KCNMB2: variants seen among roughly 807,000 people sequenced by gnomAD.
KCNMB2 encodes the protein potassium calcium-activated channel subfamily M regulatory beta subunit 2.
KCNMB2 carries 9 observed loss-of-function variants against 24.5 expected under a neutral mutation model. The ratio of observed to expected loss-of-function variants is 0.37; its 90% CI spans 0.22 to 0.64. The LOEUF is 0.64. Among genes scored for constraint, KCNMB2 ranks in the 30% least tolerant of loss-of-function variants. The pLI, the probability that KCNMB2 is intolerant of heterozygous loss-of-function variation, is 0.63. For synonymous variants in KCNMB2, 109 were observed against 104.4 expected, an observed-to-expected ratio of 1.04 and a Z score of -0.27; for missense variants, 226 against 284.3, an observed-to-expected ratio of 0.79 and a Z score of 1.47.
At chr3:178,595,579 C>G (rs1052269437) in intron 1 of KCNMB2, among the ~76,000 whole-genome samples, 1 of 152,060 alleles carries the variant, frequency 6.6e-6, no homozygotes, top group African/African-American at 2.4e-5. Flanking sequence ...TTAGTGCTAA[C>G]GAGATCTGGT....
At chr3:178,586,791 C>T (rs541670616) in intron 1 of KCNMB2, among the ~76,000 whole-genome samples, 3 of 152,032 alleles carry the variant, frequency 2.0e-5, no homozygotes, top group South Asian at 2.1e-4. Context: ...GTGATCTGCC[C>T]GCCTGGGCCT....
At chr3:178,736,826 T>C (rs531476961) in intron 1 of KCNMB2, among the ~76,000 whole-genome samples, 2 of 152,350 alleles carry the variant, frequency 1.3e-5, no homozygotes, top group South Asian at 4.1e-4. Flanking sequence ...CAATGACATA[T>C]GATGCGTGAA....
chr3:178,791,607 G>A (rs1440908543), intron 1 of KCNMB2, among the ~76,000 whole-genome samples: 1 of 151,978 alleles, frequency 6.6e-6, no homozygotes, highest in Non-Finnish European at 1.5e-5. Context: ...CCTAGAGAAA[G>A]ATATCAATAT....
At position 178,828,291 on chromosome 3, in the gene KCNMB2, T is replaced by A. The variant is rs1181126687; in HGVS notation, c.341T>A (p.Leu114His). Residue 114 changes from leucine (L) to histidine (H), a missense_variant, in exon 4 of 5, where the codon CTC becomes CAC. By Grantham distance (99) the Leu-to-His change is moderately conservative. Transcript: ENST00000452583. ...TGGAAACTTTCTCAGTACCCCTGCC[T>A]CCAGGTGTACGTTAACCTGACTTCT... Reference protein sequence around the residue: ...DCWKLSQYPCLQVYVNLTSSG... With the variant: ...DCWKLSQYPCHQVYVNLTSSG... 6.2e-7 allele frequency: 1 copy of A among 1,613,028 alleles called. No homozygotes were observed. The highest frequency in any genetic ancestry group is 8.5e-7 in the Non-Finnish European group (1 of 1,179,144).
chr3:178,586,529 T>A (rs1368966056), intron 1 of KCNMB2, among the ~76,000 whole-genome samples: 2 of 132,852 alleles, frequency 1.5e-5, no homozygotes, highest in Admixed American at 1.6e-4. Flanking sequence ...TTTTCTTTTT[T>A]TTTTCTTTCT....
rs536532201 is a variant in KCNMB2 at position 178,540,623 on chromosome 3, G to C, written c.-68+3912G>C. On this transcript the variant is annotated intron_variant, in intron 1 of 4. Coordinates refer to ENST00000452583, the MANE Select transcript of KCNMB2 (RefSeq NM_181361.3). Reference sequence around the variant, plus strand: ...ATCCACCAAGCACTCTCAAACCTCAGAGGCTTTGACTTGCTCTGCCTGCTG... The same window carrying C: ...ATCCACCAAGCACTCTCAAACCTCACAGGCTTTGACTTGCTCTGCCTGCTG... Among the ~76,000 whole-genome samples the C allele has an allele frequency of 8.8e-4, 134 of 152,300 alleles. 1 individual carries two copies. Among genetic ancestry groups the C allele is most frequent in the African/African-American group, 3.1e-3 (130 of 41,568 alleles).
intron 1 of KCNMB2, among the ~76,000 whole-genome samples, chr3:178,759,474 T>A (rs1399539227): frequency 1.2e-5 from 1 of 81,310 alleles, no homozygotes; most frequent in African/African-American, 5.9e-5. Context: ...AGAGGATATA[T>A]ATATATATAT....
intron 1 of KCNMB2, among the ~76,000 whole-genome samples, chr3:178,675,695 G>T (rs1721048001): frequency 6.6e-6 from 1 of 152,162 alleles, no homozygotes; most frequent in Admixed American, 6.6e-5. Context: ...ACTTCTAGGG[G>T]CAAGAGAACA....
In KCNMB2 at chr3:178,807,359, T is replaced by C. The variant is rs1392076144; in HGVS notation, c.-51T>C. The stretch of plus-strand genomic sequence containing the variant: ...CTCTTCTAGGTCTTTTTGCCATTCC[T>C]CCAGGACATCCACCATAAGGAAAGG... On this transcript the variant is annotated 5_prime_UTR_variant, in exon 2 of 5. Transcript: ENST00000452583. 2 of 1,534,878 alleles carry C rather than the reference T, an allele frequency of 1.3e-6. No individual in the cohort carries two copies. The highest frequency in any genetic ancestry group is 1.4e-5 in the African/African-American group (1 of 73,074).
intron 1 of KCNMB2, among the ~76,000 whole-genome samples, chr3:178,573,021 AT>A (rs1042490041): frequency 1.4e-3 from 199 of 146,230 alleles, no homozygotes; most frequent in Middle Eastern, 7.0e-3. Context: ...TTGAGGAAGA[AT>A]TTTTTTTTTT....
chr3:178,598,287 G>A (rs920411934), intron 1 of KCNMB2, among the ~76,000 whole-genome samples: 7 of 152,130 alleles, frequency 4.6e-5, no homozygotes, highest in Admixed American at 2.6e-4. Context: ...TAGCGACATA[G>A]CGCCACTTTT....
At chr3:178,710,339 A>G (rs1370246388) in intron 1 of KCNMB2, among the ~76,000 whole-genome samples, 1 of 151,740 alleles carries the variant, frequency 6.6e-6, no homozygotes, top group Non-Finnish European at 1.5e-5. Context: ...TTCTTTCCCC[A>G]TTGTAAGAAA....
intron 1 of KCNMB2, among the ~76,000 whole-genome samples, chr3:178,628,768 G>A (rs1263141970): frequency 7.2e-5 from 11 of 152,150 alleles, no homozygotes; most frequent in Admixed American, 1.3e-4. Flanking sequence ...TCTTAAAAAT[G>A]GTAGAGATGT....
At chr3:178,603,801 A>G (rs1275619208) in intron 1 of KCNMB2, among the ~76,000 whole-genome samples, 1 of 152,166 alleles carries the variant, frequency 6.6e-6, no homozygotes, top group African/African-American at 2.4e-5. Context: ...TCTCAAGTTT[A>G]AGCACCTTCA....
At chr3:178,652,814 C>A (rs1298359728) in intron 1 of KCNMB2, among the ~76,000 whole-genome samples, 1 of 150,706 alleles carries the variant, frequency 6.6e-6, no homozygotes, top group South Asian at 2.1e-4. Context: ...AAGCATGTGC[C>A]ACCACGCCTG....
intron 1 of KCNMB2, among the ~76,000 whole-genome samples, chr3:178,690,492 A>C (rs1480824126): frequency 6.6e-6 from 1 of 152,154 alleles, no homozygotes; most frequent in African/African-American, 2.4e-5. Flanking sequence ...CATTGAAGGA[A>C]GAGGAGAGGG....
chr3:178,628,938 C>T (rs911676806), intron 1 of KCNMB2, among the ~76,000 whole-genome samples: 17 of 152,076 alleles, frequency 1.1e-4, no homozygotes, highest in Admixed American at 9.2e-4. Flanking sequence ...ACCATAAGAC[C>T]TCTGTCTACT....
At chr3:178,772,990 T>A (rs1307613745) in intron 1 of KCNMB2, among the ~76,000 whole-genome samples, 1 of 152,014 alleles carries the variant, frequency 6.6e-6, no homozygotes, top group Non-Finnish European at 1.5e-5. Context: ...AAGCTCTGAG[T>A]TTTTCCTGTT....
intron 1 of KCNMB2, among the ~76,000 whole-genome samples, chr3:178,645,387 T>C (rs955928738): frequency 2.6e-5 from 4 of 152,140 alleles, no homozygotes; most frequent in Admixed American, 2.0e-4. Context: ...TCCTTGCCTT[T>C]TGTACTTAGA....
Sources: allele counts gnomAD v4.1 joint callset (sites outside exome capture counted in the v4.1 genomes callset), GRCh38; gene constraint gnomAD v4.1.1; transcripts MANE v1.5; gene names NCBI Gene and HGNC (gene_info 2026-07-23, HGNC 2026-07-21).